SDK1: variants seen among roughly 807,000 people sequenced by gnomAD.
SDK1 encodes the protein protein sidekick-1.
A neutral mutation model predicts 245.5 loss-of-function variants in SDK1; 157 were observed. That is an observed-to-expected ratio of 0.64 (90% CI 0.56 to 0.73). The LOEUF (loss-of-function observed/expected upper bound fraction) is 0.73. Ranked by LOEUF, SDK1 falls within the 30% of genes least tolerant of loss-of-function variation. The probability of loss-of-function intolerance (pLI) is 0.00; values close to 1 mark genes in which losing one functional copy is unlikely to be tolerated. For synonymous variants in SDK1, 1,647 were observed against 1,278.5 expected, an observed-to-expected ratio of 1.29 and a Z score of -6.15; for missense variants, 3,583 against 3,002.3, an observed-to-expected ratio of 1.19 and a Z score of -4.52.
At chr7:4,123,534 G>C (rs2128195097) in intron 25 of SDK1, among the ~76,000 whole-genome samples, 1 of 152,260 alleles carries the variant, frequency 6.6e-6, no homozygotes, top group South Asian at 2.1e-4. Context: ...CCAGGGACTT[G>C]GGGCTGCATC....
At chr7:3,676,401 G>T (rs986896134) in intron 4 of SDK1, among the ~76,000 whole-genome samples, 1 of 147,406 alleles carries the variant, frequency 6.8e-6, no homozygotes, top group Non-Finnish European at 1.5e-5. Flanking sequence ...TCTCAGCTCA[G>T]TGCAAGCTCC....
chr7:3,668,683 C>G (rs559659073), intron 4 of SDK1, among the ~76,000 whole-genome samples: 2 of 152,212 alleles, frequency 1.3e-5, no homozygotes, highest in Admixed American at 6.5e-5. Context: ...CCCACCTACT[C>G]GGGAGGCTGA....
intron 22 of SDK1, among the ~76,000 whole-genome samples, chr7:4,105,646 C>T (rs930560617): frequency 1.8e-4 from 27 of 152,186 alleles, no homozygotes; most frequent in African/African-American, 6.3e-4. Context: ...CAGTGATCTG[C>T]ACTGTGCTGG....
intron 1 of SDK1, among the ~76,000 whole-genome samples, chr7:3,401,422 T>G (rs970967238): frequency 2.0e-5 from 3 of 152,192 alleles, no homozygotes; most frequent in African/African-American, 7.2e-5. Flanking sequence ...TAATATATTT[T>G]ATTCAAAGAC....
chr7:3,937,605 C>G (rs907635741), intron 5 of SDK1, among the ~76,000 whole-genome samples: 37 of 152,240 alleles, frequency 2.4e-4, no homozygotes, highest in Admixed American at 7.8e-4. Flanking sequence ...CTTAGCCACT[C>G]TGCCTAGCAG....
intron 14 of SDK1, among the ~76,000 whole-genome samples, chr7:4,010,203 A>C (rs532176754): frequency 6.6e-6 from 1 of 152,380 alleles, no homozygotes; most frequent in South Asian, 2.1e-4. Context: ...CGGATGCTGG[A>C]AGTCACTGCC....
chr7:4,108,811 C>G (rs980701718), intron 22 of SDK1, among the ~76,000 whole-genome samples: 3 of 152,154 alleles, frequency 2.0e-5, no homozygotes, highest in Non-Finnish European at 4.4e-5. Flanking sequence ...ACCTCATACC[C>G]AATAGCAGTC....
intron 1 of SDK1, among the ~76,000 whole-genome samples, chr7:3,331,111 A>T (rs1000708498): frequency 6.6e-6 from 1 of 152,062 alleles, no homozygotes; most frequent in Non-Finnish European, 1.5e-5. Context: ...TAAAAATACA[A>T]AAATTAGCTG....
chr7:4,142,537 C>T (rs562667018), intron 28 of SDK1, among the ~76,000 whole-genome samples: 3 of 152,292 alleles, frequency 2.0e-5, no homozygotes, highest in Non-Finnish European at 2.9e-5. Context: ...CCATTTTGGT[C>T]AGGCTGGCCT....
chr7:4,160,734 G>A (rs1007900589), intron 31 of SDK1, among the ~76,000 whole-genome samples: 1 of 152,194 alleles, frequency 6.6e-6, no homozygotes, highest in Non-Finnish European at 1.5e-5. Flanking sequence ...AGGGCTGTCA[G>A]GAAGCTGGCT....
rs776333994 is a variant in SDK1, at chr7:3,971,544, C to G, written c.1793C>G (p.Thr598Arg). The change falls in exon 12 of 45, where the codon ACA (threonine) becomes AGA (arginine). Residue 598 changes from threonine (T) to arginine (R), a missense_variant. Thr to Arg is a moderately conservative substitution (Grantham distance 71). Coordinates refer to ENST00000404826, the MANE Select transcript of SDK1 (RefSeq NM_152744.4). The stretch of plus-strand genomic sequence containing the variant: ...ACGGCCACGCTGCACTGTGGTGCCA[C>G]ACATGACCCCCGGGTTTCACTCCGG... ...GTTATLHCGA[T>R]HDPRVSLRYV... 1 of 1,613,074 alleles carries G rather than the reference C, an allele frequency of 6.2e-7. No individual in the cohort carries two copies. The highest frequency in any genetic ancestry group is 8.5e-7 in the Non-Finnish European group (1 of 1,179,438).
intron 4 of SDK1, among the ~76,000 whole-genome samples, chr7:3,759,447 A>T (rs1252585741): frequency 6.6e-6 from 1 of 152,204 alleles, no homozygotes; most frequent in Non-Finnish European, 1.5e-5. Flanking sequence ...ACTTTAAAGT[A>T]TTAGTTAATG....
chr7:3,919,263 A>G (rs1779501393), intron 5 of SDK1, among the ~76,000 whole-genome samples: 1 of 152,202 alleles, frequency 6.6e-6, no homozygotes, highest in Admixed American at 6.5e-5. Flanking sequence ...GCAGTGCACA[A>G]TTAGTTCCTC....
intron 42 of SDK1, among the ~76,000 whole-genome samples, chr7:4,239,781 G>C (rs1488478563): frequency 6.6e-6 from 1 of 152,180 alleles, no homozygotes; most frequent in Non-Finnish European, 1.5e-5. Context: ...CCTGAGCTCA[G>C]CTCATTTGTT....
At chr7:3,464,668 A>G (rs1026799614) in intron 1 of SDK1, among the ~76,000 whole-genome samples, 2 of 151,446 alleles carry the variant, frequency 1.3e-5, no homozygotes, top group Non-Finnish European at 1.5e-5. Flanking sequence ...AATATGTATA[A>G]TACATTATTC....
At chr7:3,452,591 A>C (rs780392300) in intron 1 of SDK1, among the ~76,000 whole-genome samples, 1 of 152,308 alleles carries the variant, frequency 6.6e-6, no homozygotes, top group East Asian at 1.9e-4. Flanking sequence ...TTTCATACTA[A>C]TATAAGGCAC....
chr7:3,928,173 A>T (rs28457601), intron 5 of SDK1, among the ~76,000 whole-genome samples: 4,514 of 152,344 alleles, frequency 0.03, 242 homozygotes, highest in African/African-American at 0.1. Flanking sequence ...ATTCTCCGTT[A>T]ATATAAATTA....
intron 1 of SDK1, among the ~76,000 whole-genome samples, chr7:3,348,797 A>T (rs147737662): frequency 3.5e-4 from 54 of 152,378 alleles, no homozygotes; most frequent in African/African-American, 1.3e-3. Flanking sequence ...AAAAAGTGCC[A>T]AGTACTATGC....
chr7:3,690,986 A>T (rs1282643741), intron 4 of SDK1, among the ~76,000 whole-genome samples: 1 of 152,200 alleles, frequency 6.6e-6, no homozygotes, highest in Admixed American at 6.5e-5. Context: ...TTACTCAAAG[A>T]CAGTGTGTTT....
Sources: gnomAD v4.1 joint callset for allele counts (sites outside exome capture counted in the v4.1 genomes callset) on GRCh38, gnomAD v4.1.1 for gene constraint, MANE v1.5 for transcripts, NCBI Gene and HGNC (gene_info 2026-07-23, HGNC 2026-07-21) for gene names.